Variants in SLC25A48 observed in about 807,000 individuals in gnomAD.
SLC25A48 encodes CTC-321K16.1.
A neutral mutation model predicts 32.2 loss-of-function variants in SLC25A48; 29 were observed. The ratio of observed to expected loss-of-function variants is 0.90; its 90% CI spans 0.67 to 1.23. The LOEUF (loss-of-function observed/expected upper bound fraction) is 1.23. SLC25A48 is among the 50% of genes most tolerant of loss of function. SLC25A48 has a pLI of 0.00. For synonymous variants in SLC25A48, 164 were observed against 172.3 expected (o/e 0.95, Z 0.38); for missense variants, 399 against 422.7 (o/e 0.94, Z 0.49).
intron 3 of SLC25A48, among the ~76,000 whole-genome samples, chr5:135,725,237 A>G (rs2126986433): frequency 6.6e-6 from 1 of 152,322 alleles, no homozygotes; most frequent in South Asian, 2.1e-4. Flanking sequence ...ATCTTTATGA[A>G]ACATCTATCT....
At chr5:135,617,811 T>C (rs1158237740) in intron 1 of SLC25A48, among the ~76,000 whole-genome samples, 1 of 152,118 alleles carries the variant, frequency 6.6e-6, no homozygotes, top group South Asian at 2.1e-4. Flanking sequence ...AAAAGATACT[T>C]GATATGATTT....
chr5:135,643,036 G>A (rs1752877134), intron 3 of SLC25A48, among the ~76,000 whole-genome samples: 1 of 152,234 alleles, frequency 6.6e-6, no homozygotes, highest in Non-Finnish European at 1.5e-5. Flanking sequence ...CCAGCACACA[G>A]GAAGGGAAGT....
At chr5:135,694,743 T>C (rs1754228520) in intron 3 of SLC25A48, among the ~76,000 whole-genome samples, 1 of 152,062 alleles carries the variant, frequency 6.6e-6, no homozygotes, top group Non-Finnish European at 1.5e-5. Context: ...CATGCCACCA[T>C]GCCTGGCTAA....
intron 3 of SLC25A48, among the ~76,000 whole-genome samples, chr5:135,652,053 C>T (rs1215899393): frequency 1.3e-5 from 2 of 152,226 alleles, no homozygotes; most frequent in Non-Finnish European, 2.9e-5. Context: ...CCTCTTCCCT[C>T]AGCCACCCTA....
chr5:135,632,077 T>C (rs1326841465), intron 2 of SLC25A48, among the ~76,000 whole-genome samples: 1 of 152,200 alleles, frequency 6.6e-6, no homozygotes, highest in Non-Finnish European at 1.5e-5. Context: ...CTAACTTCAG[T>C]GTGACAACAC....
intron 1 of SLC25A48, among the ~76,000 whole-genome samples, chr5:135,836,768 T>C (rs1408014113): frequency 6.6e-6 from 1 of 152,196 alleles, no homozygotes; most frequent in Non-Finnish European, 1.5e-5. Flanking sequence ...TAGGTACCGT[T>C]GCATCCTTAT....
intron 2 of SLC25A48, among the ~76,000 whole-genome samples, chr5:135,848,059 C>T (rs1026597098): frequency 1.3e-5 from 2 of 152,198 alleles, no homozygotes; most frequent in African/African-American, 4.8e-5. Context: ...CTCCTGCTAT[C>T]ACTGGGGGCC....
intron 4 of SLC25A48, among the ~76,000 whole-genome samples, chr5:135,828,233 TGCCGGCCTTG>T (rs1226456185): frequency 6.6e-6 from 1 of 152,250 alleles, no homozygotes; most frequent in Non-Finnish European, 1.5e-5. Context: ...CTGGCCCACC[TGCCGGCCTTG>T]GCTGGGAGCT....
intron 3 of SLC25A48, among the ~76,000 whole-genome samples, chr5:135,770,343 C>T (rs571970801): frequency 1.8e-4 from 28 of 151,442 alleles, no homozygotes; most frequent in Non-Finnish European, 4.1e-4. Context: ...CTCCCAATAT[C>T]GCAGAGGTAG....
chr5:135,846,939 A>G (rs1334091428), intron 2 of SLC25A48, among the ~76,000 whole-genome samples: 2 of 152,246 alleles, frequency 1.3e-5, no homozygotes, highest in Non-Finnish European at 2.9e-5. Flanking sequence ...GATGTACATT[A>G]AATATATACA....
intron 3 of SLC25A48, among the ~76,000 whole-genome samples, chr5:135,765,662 T>C (rs902614917): frequency 5.3e-5 from 8 of 151,258 alleles, no homozygotes; most frequent in African/African-American, 2.4e-5. Flanking sequence ...TCCCCATGTC[T>C]CTGGGGGCGT....
At chr5:135,794,265 C>T (rs963065949) in intron 3 of SLC25A48, among the ~76,000 whole-genome samples, 1 of 151,052 alleles carries the variant, frequency 6.6e-6, no homozygotes, top group African/African-American at 2.4e-5. Flanking sequence ...ATGTTACTCC[C>T]AATATTGCGG....
chr5:135,616,600 C>T (rs1580726220), intron 1 of SLC25A48, among the ~76,000 whole-genome samples: 1 of 152,306 alleles, frequency 6.6e-6, no homozygotes, highest in Non-Finnish European at 1.5e-5. Context: ...AAGTAACTAA[C>T]TTGTTTTTGA....
rs139800183 is a variant in SLC25A48 at position 135,678,578 on chromosome 5, G to T, written c.-521+43622G>T. Among the ~76,000 whole-genome samples, 10 of 152,226 alleles carry T rather than the reference G, an allele frequency of 6.6e-5. No homozygotes were observed. The East Asian group carries it at 1.5e-3, about 23-fold the overall frequency. On this transcript the variant is annotated intron_variant, in intron 3 of 10. Coordinates refer to the SLC25A48 transcript ENST00000646290. ...CAAAGAATTACTGTGTTCTTTGGAG[G>T]TATAATATTTCCTTTTTTTCATGTT... is the stretch of plus-strand genomic sequence containing the variant.
At chr5:135,746,491 T>G (rs1432278829) in intron 3 of SLC25A48, 2 of 236,256 alleles carry the variant, frequency 8.5e-6, no homozygotes, top group Admixed American at 6.2e-5. Context: ...TCACCGGAAC[T>G]GCTGTCGTGC....
Position 135,621,181 on chromosome 5 carries a change from C to G in SLC25A48, c.-848-8056C>G, listed in dbSNP as rs533070422. Among the ~76,000 whole-genome samples the G allele has an allele frequency of 2.0e-5, 3 of 152,146 alleles. No homozygotes were observed. In the South Asian group the frequency reaches 6.2e-4, roughly 32 times the overall value. On this transcript the variant is annotated intron_variant, in intron 1 of 10. Coordinates refer to the SLC25A48 transcript ENST00000646290. The stretch of plus-strand genomic sequence containing the variant: ...ATCCAAGTGCCAGCTTTACTACTTA[C>G]TGGATGTGTAATCTTGGTTAAATTG...
chr5:135,862,990 G>T (rs988297697), intron 4 of SLC25A48, among the ~76,000 whole-genome samples: 1 of 152,160 alleles, frequency 6.6e-6, no homozygotes, highest in Non-Finnish European at 1.5e-5. Flanking sequence ...TCTGGAAGGG[G>T]CAGAAGAGTG....
At chr5:135,611,148 T>A (rs528956429) in intron 1 of SLC25A48, among the ~76,000 whole-genome samples, 2 of 152,266 alleles carry the variant, frequency 1.3e-5, no homozygotes, top group East Asian at 3.9e-4. Context: ...CAACAAATTT[T>A]AGAAAGATGT....
chr5:135,733,350 G>C (rs1034448503), intron 3 of SLC25A48, among the ~76,000 whole-genome samples: 1 of 152,194 alleles, frequency 6.6e-6, no homozygotes, highest in Admixed American at 6.5e-5. Context: ...AGGTGGACCA[G>C]AGAGATATAG....
Sources: gnomAD v4.1 joint callset for allele counts (sites outside exome capture counted in the v4.1 genomes callset) on GRCh38, gnomAD v4.1.1 for gene constraint, MANE v1.5 for transcripts, NCBI Gene and HGNC (gene_info 2026-07-23, HGNC 2026-07-21) for gene names.